The following DIAPH2 variants were observed in gnomAD, a reference collection of about 807,000 sequenced individuals.
The protein encoded by DIAPH2 is protein diaphanous homolog 2.
In DIAPH2, 35 loss-of-function variants were observed where a neutral mutation model predicts 92.7. The ratio of observed to expected loss-of-function variants is 0.38; its 90% confidence interval spans 0.29 to 0.50. The LOEUF (loss-of-function observed/expected upper bound fraction) is 0.50, where lower values mean the gene tolerates loss of function less well. Ranked by LOEUF, DIAPH2 falls within the 20% of genes least tolerant of loss-of-function variation. The pLI is 0.94. For synonymous variants in DIAPH2, 301 were observed against 280.4 expected (o/e 1.07, Z -0.73); for missense variants, 701 against 819.5 (o/e 0.86, Z 1.77).
chrX:97,519,901 C>T (rs1423999619), intron 26 of DIAPH2, among the ~76,000 whole-genome samples: 1 of 109,910 alleles, frequency 9.1e-6, no homozygotes, highest in Non-Finnish European at 1.9e-5. Flanking sequence ...TTAGTAGAGA[C>T]GGGTTTTCAC....
chrX:97,241,589 C>T (rs764990883), intron 22 of DIAPH2, among the ~76,000 whole-genome samples: 1 of 110,880 alleles, frequency 9.0e-6, no homozygotes, highest in South Asian at 3.8e-4. Flanking sequence ...TGAGCCACCA[C>T]GCCTGGCCAG....
At chrX:97,279,482 T>G (rs1270386962) in intron 23 of DIAPH2, among the ~76,000 whole-genome samples, 1 of 109,868 alleles carries the variant, frequency 9.1e-6, no homozygotes, top group Non-Finnish European at 1.9e-5. Flanking sequence ...TTTTGTATTT[T>G]TGGTAGAGAC....
At chrX:97,293,329 T>A (rs764011010) in intron 23 of DIAPH2, among the ~76,000 whole-genome samples, 15 of 98,308 alleles carry the variant, frequency 1.5e-4, no homozygotes, top group Non-Finnish European at 2.6e-4. Flanking sequence ...CTTGGCTCAC[T>A]GCAACCTCCG....
intron 26 of DIAPH2, among the ~76,000 whole-genome samples, chrX:97,499,603 A>G (rs2070781417): frequency 9.0e-6 from 1 of 111,412 alleles, no homozygotes; most frequent in Non-Finnish European, 1.9e-5. Context: ...TTGGGCATCT[A>G]CCCAAAGGGA....
At chrX:97,379,700 T>G (rs2069534913) in intron 24 of DIAPH2, among the ~76,000 whole-genome samples, 1 of 112,152 alleles carries the variant, frequency 8.9e-6, no homozygotes, top group Non-Finnish European at 1.9e-5. Flanking sequence ...TCATGGTGCT[T>G]GTAAAGTACT....
At chrX:97,269,223 A>G (rs2068365411) in intron 23 of DIAPH2, among the ~76,000 whole-genome samples, 1 of 111,611 alleles carries the variant, frequency 9.0e-6, no homozygotes, top group Non-Finnish European at 1.9e-5. Flanking sequence ...GAGGAGCCAC[A>G]GTGTTGTGGT....
intron 17 of DIAPH2, among the ~76,000 whole-genome samples, chrX:97,025,937 A>G (rs761202680): frequency 3.6e-5 from 4 of 111,917 alleles, no homozygotes; most frequent in Non-Finnish European, 7.5e-5. Context: ...TCTAGGATCC[A>G]GTAGAGACTT....
intron 25 of DIAPH2, among the ~76,000 whole-genome samples, chrX:97,397,520 C>A (rs1378097130): frequency 8.9e-6 from 1 of 111,810 alleles, no homozygotes; most frequent in Non-Finnish European, 1.9e-5. Context: ...TCAGGCATAG[C>A]CCTGCTGAGG....
chrX:96,919,864 A>ATTATTTATTTATTTAT (rs60595365), intron 9 of DIAPH2, among the ~76,000 whole-genome samples: 6 of 100,238 alleles, frequency 6.0e-5, no homozygotes, highest in East Asian at 6.1e-4. Flanking sequence ...TGTCAAATGT[A>ATTATTTATTTATTTAT]TTATTTATTT....
chrX:97,584,356 G>A (rs925394602), intron 26 of DIAPH2, among the ~76,000 whole-genome samples: 1 of 111,788 alleles, frequency 8.9e-6, no homozygotes, highest in African/African-American at 3.3e-5. Flanking sequence ...CCCAGTAATC[G>A]ACTTAGACTT....
At chrX:97,528,824 A>C (rs753373485) in intron 26 of DIAPH2, 4 of 111,735 alleles carry the variant, frequency 3.6e-5, no homozygotes, top group African/African-American at 1.3e-4. Context: ...GTTGAGTCAG[A>C]GAAACATAGA....
chrX:97,043,691 A>G (rs1315262743), intron 17 of DIAPH2, among the ~76,000 whole-genome samples: 1 of 111,256 alleles, frequency 9.0e-6, no homozygotes, highest in African/African-American at 3.3e-5. Flanking sequence ...CACTAATACA[A>G]TTGAGATACT....
rs180994533 is a variant in DIAPH2, at chrX:96,695,987, T to C, written c.132+10797T>C. Among the ~76,000 whole-genome samples the C allele has an allele frequency of 1.6e-3, 177 of 112,840 alleles. 1 individual carries two copies. The highest frequency in any genetic ancestry group is 5.6e-3 in the African/African-American group (174 of 31,122). On this transcript the variant is annotated intron_variant, in intron 1 of 26. Transcript: ENST00000324765. Reference sequence around the variant, plus strand: ...TTTTCAAGATGCCTACATTGTATTTTATGGAATCTAAATGTATTTAATATG... The same window carrying C: ...TTTTCAAGATGCCTACATTGTATTTCATGGAATCTAAATGTATTTAATATG...
chrX:96,943,771 A>C (rs1276290421), intron 13 of DIAPH2, among the ~76,000 whole-genome samples: 3 of 111,497 alleles, frequency 2.7e-5, no homozygotes, highest in African/African-American at 9.7e-5. Context: ...ACTGTGTACC[A>C]GGTACTTATG....
At chrX:96,773,205 G>A (rs1279700211) in intron 4 of DIAPH2, among the ~76,000 whole-genome samples, 2 of 108,914 alleles carry the variant, frequency 1.8e-5, no homozygotes, top group African/African-American at 6.7e-5. Flanking sequence ...TGCTTGGAAT[G>A]AGAAAAGCTA....
chrX:97,073,379 G>A (rs2066682768), intron 18 of DIAPH2, among the ~76,000 whole-genome samples: 1 of 111,683 alleles, frequency 9.0e-6, no homozygotes, highest in East Asian at 2.8e-4. Flanking sequence ...GGGATTGATA[G>A]TTTTAGAGTA....
chrX:97,040,480 C>T (rs376612971), intron 17 of DIAPH2, among the ~76,000 whole-genome samples: 2 of 110,693 alleles, frequency 1.8e-5, no homozygotes, highest in African/African-American at 6.6e-5. Flanking sequence ...TTGAATTTCA[C>T]GTGTATCTCT....
At chrX:97,183,979 C>T (rs2067560918) in intron 22 of DIAPH2, among the ~76,000 whole-genome samples, 1 of 112,372 alleles carries the variant, frequency 8.9e-6, no homozygotes, top group Non-Finnish European at 1.9e-5. Context: ...ATATGTAGTG[C>T]TATAACCCCA....
intron 3 of DIAPH2, among the ~76,000 whole-genome samples, chrX:96,750,499 A>G (rs908170208): frequency 8.9e-5 from 10 of 111,914 alleles, no homozygotes; most frequent in Non-Finnish European, 1.7e-4. Flanking sequence ...TGTATACTTC[A>G]GTTTCAACTT....
Sources: allele counts gnomAD v4.1 joint callset (sites outside exome capture counted in the v4.1 genomes callset), GRCh38; gene constraint gnomAD v4.1.1; transcripts MANE v1.5; gene names NCBI Gene and HGNC (gene_info 2026-07-23, HGNC 2026-07-21).